Variants in RTN1 observed in about 807,000 individuals in gnomAD.
The protein encoded by RTN1 is reticulon-1.
RTN1 carries 25 observed loss-of-function variants against 65.5 expected under a neutral mutation model. The observed-to-expected ratio is 0.38, with a 90% CI of 0.28 to 0.53. The LOEUF is 0.53. Among genes scored for constraint, RTN1 ranks in the 20% least tolerant of loss-of-function variants. The pLI, the probability that RTN1 is intolerant of heterozygous loss-of-function variation, is 0.79. For synonymous variants in RTN1, 471 were observed against 447.6 expected (o/e 1.05, Z -0.66); for missense variants, 983 against 1,025.4 (o/e 0.96, Z 0.57).
intron 3 of RTN1, among the ~76,000 whole-genome samples, chr14:59,716,074 C>T (rs1160346191): frequency 2.0e-5 from 3 of 152,154 alleles, no homozygotes; most frequent in African/African-American, 4.8e-5. Context: ...ACAGACCATG[C>T]TAACACTTGA....
chr14:59,630,690 G>A, intron 3 of RTN1: 1 of 1,170,162 alleles, frequency 8.5e-7, no homozygotes, highest in Non-Finnish European at 1.1e-6. Context: ...TGCGCGGCCG[G>A]CAGCGAATCA....
At chr14:59,839,426 A>C (rs1312658036) in intron 1 of RTN1, among the ~76,000 whole-genome samples, 1 of 152,170 alleles carries the variant, frequency 6.6e-6, no homozygotes, top group African/African-American at 2.4e-5. Flanking sequence ...AAAGTCATGC[A>C]TGCCTATTGC....
At chr14:59,710,041 CTTTCT>C (rs1443991369) in intron 3 of RTN1, among the ~76,000 whole-genome samples, 14 of 122,628 alleles carry the variant, frequency 1.1e-4, no homozygotes, top group South Asian at 5.8e-4. Flanking sequence ...CTCCCTCTTT[CTTTCT>C]TTTTTTTTTT....
intron 3 of RTN1, among the ~76,000 whole-genome samples, chr14:59,645,397 A>ACATGTTACATGTTTTCTACATG (rs1566671158): frequency 6.8e-5 from 10 of 146,600 alleles, no homozygotes; most frequent in African/African-American, 2.4e-4. Context: ...TTTTCTATAT[A>ACATGTTACATGTTTTCTACATG]TTACATGTTT....
intron 1 of RTN1, among the ~76,000 whole-genome samples, chr14:59,773,603 T>C (rs1387193238): frequency 6.6e-6 from 1 of 152,122 alleles, no homozygotes; most frequent in East Asian, 1.9e-4. Flanking sequence ...GATGCAGTCT[T>C]TCCATCAAGT....
chr14:59,600,415 T>G (rs1023328328), intron 8 of RTN1, among the ~76,000 whole-genome samples: 1 of 152,156 alleles, frequency 6.6e-6, no homozygotes, highest in Non-Finnish European at 1.5e-5. Flanking sequence ...GCTCATAGAG[T>G]CAAATAACAT....
Position 59,750,097 on chromosome 14 carries a change from T to TCTATA in RTN1, c.242-3617_242-3616insTATAG, listed in dbSNP as rs1298964226. ...TTATATATTATAGACATATATATTA[T>TCTATA]ATATTATATATTATATATAATATAT... On this transcript the variant is annotated intron_variant, in intron 1 of 8. Transcript: ENST00000267484. Among the ~76,000 whole-genome samples the TCTATA allele has an allele frequency of 8.2e-4, 53 of 64,800 alleles. 2 individuals are homozygous for TCTATA. The highest frequency in any genetic ancestry group is 1.3e-3 in the African/African-American group (14 of 10,764). The allele number at this position is 64,800 out of a possible 152,430, so 42.5% of individuals were successfully genotyped here.
intron 1 of RTN1, among the ~76,000 whole-genome samples, chr14:59,815,201 C>T (rs577244282): frequency 2.0e-5 from 3 of 152,200 alleles, no homozygotes; most frequent in East Asian, 1.9e-4. Flanking sequence ...ATCCTAATCA[C>T]GCCCTCCTGC....
At chr14:59,716,296 C>T (rs574167935) in intron 3 of RTN1, among the ~76,000 whole-genome samples, 24 of 152,212 alleles carry the variant, frequency 1.6e-4, no homozygotes, top group Non-Finnish European at 3.1e-4. Context: ...GGTTCTTCTA[C>T]CCATGAGAAA....
intron 1 of RTN1, among the ~76,000 whole-genome samples, chr14:59,807,417 C>G (rs1645143840): frequency 6.6e-6 from 1 of 152,152 alleles, no homozygotes; most frequent in Non-Finnish European, 1.5e-5. Flanking sequence ...GTGTAATCTA[C>G]AAAGAATCCA....
chr14:59,674,958 T>A (rs926454845), intron 3 of RTN1, among the ~76,000 whole-genome samples: 23 of 151,954 alleles, frequency 1.5e-4, no homozygotes, highest in Admixed American at 3.9e-4. Flanking sequence ...AAATGCATAT[T>A]GGGGCCAGCA....
At chr14:59,750,324 T>G in intron 1 of RTN1, among the ~76,000 whole-genome samples, 1 of 20,494 alleles carries the variant, frequency 4.9e-5, no homozygotes, top group Non-Finnish European at 8.1e-5. Flanking sequence ...ATATCTATAA[T>G]ATATAATATA....
chr14:59,828,596 C>G (rs1390285252), intron 1 of RTN1, among the ~76,000 whole-genome samples: 1 of 152,176 alleles, frequency 6.6e-6, no homozygotes, highest in East Asian at 1.9e-4. Flanking sequence ...AGCCCCAAAA[C>G]CAGATGTCAG....
chr14:59,616,387 G>A (rs182368801), intron 3 of RTN1, among the ~76,000 whole-genome samples: 1 of 152,158 alleles, frequency 6.6e-6, no homozygotes, highest in Admixed American at 6.5e-5. Flanking sequence ...GGTGAAAATT[G>A]TTTCATACTC....
chr14:59,635,337 A>AT (rs1353269356), intron 3 of RTN1, among the ~76,000 whole-genome samples: 1 of 152,244 alleles, frequency 6.6e-6, no homozygotes, highest in Non-Finnish European at 1.5e-5. Context: ...TATGTAATCA[A>AT]TGAGAAAATT....
intron 1 of RTN1, among the ~76,000 whole-genome samples, chr14:59,756,691 T>C (rs1000006785): frequency 1.3e-5 from 2 of 152,178 alleles, no homozygotes; most frequent in Admixed American, 1.3e-4. Context: ...TTGGTCAGAT[T>C]CCCTCAATGC....
chr14:59,819,163 A>G (rs116650354), intron 1 of RTN1, among the ~76,000 whole-genome samples: 2,057 of 152,162 alleles, frequency 0.014, 48 homozygotes, highest in African/African-American at 0.046. Context: ...GCAGACCTTC[A>G]CAGTGTGTGT....
At chr14:59,694,429 T>G (rs575301397) in intron 3 of RTN1, among the ~76,000 whole-genome samples, 116 of 152,310 alleles carry the variant, frequency 7.6e-4, no homozygotes, top group Non-Finnish European at 1.4e-3. Flanking sequence ...GTGTATGCAC[T>G]TACACACACA....
In RTN1 at chr14:59,702,567, C is replaced by T. The variant is rs531530938; in HGVS notation, c.1765+24352G>A. On this transcript the variant is annotated intron_variant, in intron 3 of 8. Coordinates refer to ENST00000267484, the MANE Select transcript of RTN1 (RefSeq NM_021136.3). ...GGAGTCATCGCTGTTTCTTCTCCTG[C>T]CCCACAGCCAGTTGATCAGGAAATC... Among the ~76,000 whole-genome samples the T allele has an allele frequency of 7.6e-4, 116 of 152,244 alleles. 1 individual carries two copies. The highest frequency in any genetic ancestry group is 2.8e-3 in the African/African-American group (115 of 41,560).
Sources: gnomAD v4.1 joint callset for allele counts (sites outside exome capture counted in the v4.1 genomes callset) on GRCh38, gnomAD v4.1.1 for gene constraint, MANE v1.5 for transcripts, NCBI Gene and HGNC (gene_info 2026-07-23, HGNC 2026-07-21) for gene names.